The following FBN2 variants were observed in gnomAD, a reference collection of about 807,000 sequenced individuals.
The protein encoded by FBN2 is fibrillin-2.
FBN2 carries 105 observed loss-of-function variants against 355.6 expected under a neutral mutation model. The observed-to-expected ratio is 0.30, with a 90% CI of 0.25 to 0.35. The LOEUF (loss-of-function observed/expected upper bound fraction) is 0.35. Among genes scored for constraint, FBN2 ranks in the 10% least tolerant of loss-of-function variants. FBN2 has a pLI of 1.00. For synonymous variants in FBN2, 1,350 were observed against 1,301.2 expected (o/e 1.04, Z -0.81); for missense variants, 3,280 against 3,758.7 (o/e 0.87, Z 3.33).
chr5:128,268,660 CA>C (rs1413268023), intron 62 of FBN2, among the ~76,000 whole-genome samples: 2 of 152,142 alleles, frequency 1.3e-5, no homozygotes, highest in South Asian at 2.1e-4. Flanking sequence ...AGCAGCACAT[CA>C]AAAAACTTAT....
chr5:128,516,540 T>C (rs1241757205), intron 5 of FBN2, among the ~76,000 whole-genome samples: 1 of 152,126 alleles, frequency 6.6e-6, no homozygotes, highest in Non-Finnish European at 1.5e-5. Context: ...GAAACCAGTC[T>C]GCCAAAAGCC....
chr5:128,447,748 C>T (rs575012092), intron 6 of FBN2, among the ~76,000 whole-genome samples: 82 of 152,280 alleles, frequency 5.4e-4, no homozygotes, highest in African/African-American at 1.8e-3. Context: ...GCTGGTTTTG[C>T]GGCTTGTGGG....
At chr5:128,333,224 A>G (rs1253342048) in intron 31 of FBN2, among the ~76,000 whole-genome samples, 190 bp from the exon 32 acceptor site, 3 of 152,180 alleles carry the variant, frequency 2.0e-5, no homozygotes, top group Non-Finnish European at 4.4e-5. Flanking sequence ...GATCCTAATA[A>G]AACAAGTTCT....
At chr5:128,535,223 G>A (rs1407663085) in intron 2 of FBN2, among the ~76,000 whole-genome samples, 1 of 152,144 alleles carries the variant, frequency 6.6e-6, no homozygotes, top group African/African-American at 2.4e-5. Context: ...GGGATGTTAA[G>A]GTAGAAAAAA....
intron 5 of FBN2, among the ~76,000 whole-genome samples, chr5:128,465,581 TGTCA>T (rs1315287737): frequency 6.6e-6 from 1 of 152,228 alleles, no homozygotes; most frequent in Non-Finnish European, 1.5e-5. Flanking sequence ...TCTGTTTCTG[TGTCA>T]GTCAGTTTAG....
intron 8 of FBN2, among the ~76,000 whole-genome samples, chr5:128,396,756 G>A (rs958931693): frequency 3.4e-4 from 52 of 152,188 alleles, no homozygotes; most frequent in African/African-American, 1.2e-3. Flanking sequence ...AAAACTGTGA[G>A]CTTCATTAAC....
intron 25 of FBN2, among the ~76,000 whole-genome samples, chr5:128,340,804 T>TCC (rs1750993910): frequency 6.6e-6 from 1 of 151,550 alleles, no homozygotes; most frequent in Non-Finnish European, 1.5e-5. Flanking sequence ...GTGCTCTCTC[T>TCC]TTCTCTCTCT....
intron 5 of FBN2, among the ~76,000 whole-genome samples, chr5:128,480,774 T>C (rs1755162151): frequency 6.6e-6 from 1 of 152,202 alleles, no homozygotes; most frequent in African/African-American, 2.4e-5. Context: ...GCTGTGATTA[T>C]TGTGGCCATT....
At chr5:128,499,385 A>G (rs1221977371) in intron 5 of FBN2, among the ~76,000 whole-genome samples, 4 of 152,160 alleles carry the variant, frequency 2.6e-5, no homozygotes, top group Admixed American at 6.5e-5. Flanking sequence ...TGCTATACCA[A>G]TGTTTCACAA....
chr5:128,486,634 A>T (rs888287002), intron 5 of FBN2, among the ~76,000 whole-genome samples: 9 of 151,870 alleles, frequency 5.9e-5, no homozygotes, highest in African/African-American at 2.2e-4. Flanking sequence ...CTTTTTTTTT[A>T]AATTATACTT....
intron 2 of FBN2, among the ~76,000 whole-genome samples, chr5:128,531,646 T>C (rs148984576): frequency 0.01 from 1,538 of 151,724 alleles, 22 homozygotes; most frequent in African/African-American, 0.034. Flanking sequence ...GCTTTTTAAG[T>C]TTAAAATACA....
intron 8 of FBN2, among the ~76,000 whole-genome samples, chr5:128,407,155 T>C (rs988471788): frequency 6.6e-6 from 1 of 152,076 alleles, no homozygotes; most frequent in African/African-American, 2.4e-5. Flanking sequence ...AGTGGGTAAA[T>C]GGTAGTTCAG....
rs1275556364 is a variant in FBN2 at position 128,433,750 on chromosome 5, C to T, written c.952+12731G>A. Among the ~76,000 whole-genome samples the T allele has an allele frequency of 2.0e-5, 3 of 152,164 alleles. No individual in the cohort carries two copies. The East Asian group carries it at 5.8e-4, about 29-fold the overall frequency. ...TTCACCAAAAGGCACAAACCTGCAA[C>T]CCAACCCTTCATTTGTCCTATGTTA... On this transcript the variant is annotated intron_variant, in intron 7 of 64. Coordinates refer to ENST00000262464, the MANE Select transcript of FBN2 (RefSeq NM_001999.4).
chr5:128,450,223 C>T (rs1460390052), intron 6 of FBN2, among the ~76,000 whole-genome samples: 1 of 152,058 alleles, frequency 6.6e-6, no homozygotes, highest in Non-Finnish European at 1.5e-5. Flanking sequence ...CTCACTTAAG[C>T]AGAGCACACA....
Position 128,357,129 on chromosome 5 carries a change from T to C in FBN2, c.2674+147A>G, listed in dbSNP as rs27457. 0.41 allele frequency: 390,887 copies of C among 949,260 alleles called. 87,058 individuals are homozygous for C. The highest frequency in any genetic ancestry group is 0.51 in the Admixed American group (25,573 of 49,772). 58.8% of individuals were successfully genotyped at this position (949,260 alleles called of 1,614,324 possible). A position where few individuals can be genotyped will look rare whatever the true frequency, so the allele number is the denominator to read the frequency against. Reference sequence around the variant, plus strand: ...AATTAATGCTATTATGTTTTACCTCTATATTGATATTGAGTAAAAACAACT... The same window carrying C: ...AATTAATGCTATTATGTTTTACCTCCATATTGATATTGAGTAAAAACAACT... On this transcript the variant is annotated intron_variant, in intron 20 of 64. Coordinates refer to ENST00000262464, the MANE Select transcript of FBN2 (RefSeq NM_001999.4).
At chr5:128,261,951 T>G in intron 63 of FBN2, 44 bp from the exon 64 acceptor site, 1 of 1,550,626 alleles carries the variant, frequency 6.4e-7, no homozygotes, top group Non-Finnish European at 8.9e-7. Context: ...ATCACTGACT[T>G]GACCATAGTT....
chr5:128,288,697 C>T lies in FBN2; in HGVS notation c.6638-140G>A, dbSNP rs1749230793. On this transcript the variant is annotated intron_variant, in intron 52 of 64. Transcript: ENST00000262464. ...AACCCTGGCATCCCTTGGGCCTTGG[C>T]TGGCTGGCAGCTATGTAGTGCAGAG... is the stretch of plus-strand genomic sequence containing the variant. 4.5e-5 allele frequency: 43 copies of T among 950,812 alleles called. No individual in the cohort carries two copies. The South Asian group carries it at 5.7e-4, about 13-fold the overall frequency. The allele number at this position is 950,812 out of a possible 1,614,324, so 58.9% of individuals were successfully genotyped here. A position where few individuals can be genotyped will look rare whatever the true frequency, so the allele number is the denominator to read the frequency against.
At chr5:128,482,441 C>A (rs928955451) in intron 5 of FBN2, among the ~76,000 whole-genome samples, 1 of 152,076 alleles carries the variant, frequency 6.6e-6, no homozygotes, top group Non-Finnish European at 1.5e-5. Flanking sequence ...CTACCCAATG[C>A]ATTCTTTTAT....
At chr5:128,333,780 G>T (rs1297038437) in intron 31 of FBN2, among the ~76,000 whole-genome samples, 1 of 147,638 alleles carries the variant, frequency 6.8e-6, no homozygotes, top group African/African-American at 2.5e-5. Context: ...AAGCTTTCTT[G>T]ACTATAAATA....
Sources: allele counts gnomAD v4.1 joint callset (sites outside exome capture counted in the v4.1 genomes callset), GRCh38; gene constraint gnomAD v4.1.1; transcripts MANE v1.5; gene names NCBI Gene and HGNC (gene_info 2026-07-23, HGNC 2026-07-21).